Variants in GALNT13 observed in about 807,000 individuals in gnomAD.
GALNT13 encodes UDP-GalNAc:polypeptide N-acetylgalactosaminyltransferase 13.
GALNT13 carries 28 observed loss-of-function variants against 64.2 expected under a neutral mutation model. The ratio of observed to expected loss-of-function variants is 0.44; its 90% CI spans 0.32 to 0.60. The LOEUF is 0.60. GALNT13 is among the 20% of genes least tolerant of loss of function. The probability of loss-of-function intolerance (pLI) is 0.05; values close to 1 mark genes in which losing one functional copy is unlikely to be tolerated. For missense variants in GALNT13, 577 were observed against 669.8 expected (o/e 0.86, Z 1.53); for synonymous variants, 214 against 224.6 (o/e 0.95, Z 0.42).
intron 3 of GALNT13, among the ~76,000 whole-genome samples, chr2:154,009,872 A>G (rs1696511229): frequency 6.6e-6 from 1 of 151,194 alleles, no homozygotes; most frequent in South Asian, 2.1e-4. Context: ...GAAATCTTTC[A>G]CCTCCCTGGT....
chr2:153,357,780 A>T, the GALNT13 span, among the ~76,000 whole-genome samples: 1 of 152,206 alleles, frequency 6.6e-6, no homozygotes, highest in Non-Finnish European at 1.5e-5. Flanking sequence ...TTGTAAGCGT[A>T]TTCATTAAAT....
At chr2:154,328,786 A>G (rs1303017178) in intron 9 of GALNT13, among the ~76,000 whole-genome samples, 3 of 152,104 alleles carry the variant, frequency 2.0e-5, no homozygotes, top group Non-Finnish European at 4.4e-5. Flanking sequence ...ATTTTCTCCC[A>G]CAGTGGCATT....
the GALNT13 span, among the ~76,000 whole-genome samples, chr2:153,747,391 T>G: frequency 1.3e-5 from 2 of 151,380 alleles, no homozygotes; most frequent in African/African-American, 4.9e-5. Flanking sequence ...GTAATCATTT[T>G]TCTATTCTCA....
At chr2:153,438,912 C>T in the GALNT13 span, among the ~76,000 whole-genome samples, 1 of 152,034 alleles carries the variant, frequency 6.6e-6, no homozygotes, top group South Asian at 2.1e-4. Context: ...TTTTGAGTTT[C>T]CAGTTTTTCT....
chr2:154,007,065 T>G (rs1696302971), intron 3 of GALNT13, among the ~76,000 whole-genome samples: 2 of 152,236 alleles, frequency 1.3e-5, no homozygotes, highest in African/African-American at 4.8e-5. Flanking sequence ...GAGATTATCT[T>G]AGGTGCACCT....
At chr2:153,700,145 C>T in the GALNT13 span, among the ~76,000 whole-genome samples, 1 of 152,146 alleles carries the variant, frequency 6.6e-6, no homozygotes, top group East Asian at 1.9e-4. Context: ...GCTTATCCAC[C>T]ACCACCAAGT....
intron 9 of GALNT13, among the ~76,000 whole-genome samples, chr2:154,393,371 C>A (rs907106402): frequency 6.6e-6 from 1 of 152,158 alleles, no homozygotes; most frequent in Non-Finnish European, 1.5e-5. Context: ...TCTTTAAAAT[C>A]AGAAGTGACA....
chr2:153,777,742 A>C, the GALNT13 span, among the ~76,000 whole-genome samples: 1 of 152,132 alleles, frequency 6.6e-6, no homozygotes, highest in East Asian at 1.9e-4. Context: ...CTTTGAGACC[A>C]CAGCAGTGTC....
chr2:153,570,270 T>A, the GALNT13 span, among the ~76,000 whole-genome samples: 1 of 152,174 alleles, frequency 6.6e-6, no homozygotes, highest in Non-Finnish European at 1.5e-5. Context: ...TTTATGCAAA[T>A]CTTTGCCCAC....
chr2:154,317,668 G>A (rs1694398351), intron 9 of GALNT13, among the ~76,000 whole-genome samples: 1 of 152,142 alleles, frequency 6.6e-6, no homozygotes, highest in African/African-American at 2.4e-5. Context: ...AAAGAAGGCA[G>A]CTATACATCC....
intron 3 of GALNT13, among the ~76,000 whole-genome samples, chr2:154,108,159 T>G (rs915285250): frequency 6.6e-5 from 10 of 151,920 alleles, no homozygotes; most frequent in Non-Finnish European, 1.3e-4. Flanking sequence ...TTTTGGTTTT[T>G]TTTTTCTTTT....
In GALNT13 at chr2:154,140,516, A is replaced by C. The variant is rs1273205685; in HGVS notation, c.311+11A>C. On this transcript the variant is annotated intron_variant, in intron 4 of 12. Coordinates refer to ENST00000392825, the MANE Select transcript of GALNT13 (RefSeq NM_052917.4). ...TGTAAGATTAGAAGGGTAAGTTTGC[A>C]TTTGTTATATAATCTTTTATATTCA... 5 of 1,572,620 alleles carry C rather than the reference A, an allele frequency of 3.2e-6. No individual in the cohort carries two copies. The highest frequency in any genetic ancestry group is 4.4e-6 in the Non-Finnish European group (5 of 1,148,056).
At chr2:154,144,816 T>C (rs1251884008) in intron 4 of GALNT13, among the ~76,000 whole-genome samples, 1 of 151,982 alleles carries the variant, frequency 6.6e-6, no homozygotes, top group African/African-American at 2.4e-5. Flanking sequence ...ATTGAAGTTC[T>C]GTTCTGTAAT....
the GALNT13 span, among the ~76,000 whole-genome samples, chr2:153,624,361 G>A: frequency 6.6e-6 from 1 of 152,080 alleles, no homozygotes; most frequent in Non-Finnish European, 1.5e-5. Context: ...GCATTGTCCT[G>A]TGAGCTGTAG....
At chr2:153,611,541 A>T in the GALNT13 span, among the ~76,000 whole-genome samples, 1 of 151,812 alleles carries the variant, frequency 6.6e-6, no homozygotes, top group African/African-American at 2.4e-5. Context: ...GCTAATTTTT[A>T]GTAAAGACGG....
chr2:153,759,410 T>C, the GALNT13 span, among the ~76,000 whole-genome samples: 1 of 152,194 alleles, frequency 6.6e-6, no homozygotes, highest in Non-Finnish European at 1.5e-5. Context: ...TGCCATTGTT[T>C]TCATCATTAA....
At chr2:154,171,991 C>T (rs1685377856) in intron 4 of GALNT13, among the ~76,000 whole-genome samples, 1 of 151,526 alleles carries the variant, frequency 6.6e-6, no homozygotes, top group Non-Finnish European at 1.5e-5. Flanking sequence ...CACACACACA[C>T]ACACACACAC....
the GALNT13 span, among the ~76,000 whole-genome samples, chr2:153,141,796 A>G: frequency 6.6e-6 from 1 of 152,006 alleles, no homozygotes; most frequent in Non-Finnish European, 1.5e-5. Context: ...AATCTTTACA[A>G]TTTTTAAGCC....
chr2:154,037,707 T>C (rs537077730), intron 3 of GALNT13, among the ~76,000 whole-genome samples: 2 of 152,256 alleles, frequency 1.3e-5, no homozygotes, highest in East Asian at 3.9e-4. Context: ...TTCATATATA[T>C]CAACAATGAA....
Sources: gnomAD v4.1 joint callset for allele counts (sites outside exome capture counted in the v4.1 genomes callset) on GRCh38, gnomAD v4.1.1 for gene constraint, MANE v1.5 for transcripts, NCBI Gene and HGNC (gene_info 2026-07-23, HGNC 2026-07-21) for gene names.